The following DDX10 variants were observed in gnomAD, a reference collection of about 807,000 sequenced individuals.
DDX10 encodes DEAD-box helicase 10.
Under a neutral mutation model 104.3 loss-of-function variants are expected in DDX10, and 74 were observed. That is an observed-to-expected ratio of 0.71 (90% confidence interval 0.59 to 0.86). The LOEUF is 0.86. Ranked by LOEUF, DDX10 falls within the 40% of genes least tolerant of loss-of-function variation. DDX10 has a pLI of 0.00. For synonymous variants in DDX10, 351 were observed against 353.4 expected (o/e 0.99, Z 0.08); for missense variants, 952 against 1,040.0 (o/e 0.92, Z 1.16).
chr11:108,927,484 C>T (rs1047106986), intron 17 of DDX10, among the ~76,000 whole-genome samples: 5 of 152,114 alleles, frequency 3.3e-5, no homozygotes, highest in Non-Finnish European at 7.4e-5. Context: ...AACTGTCTGC[C>T]CCAGCATCCT....
At chr11:108,799,815 G>C (rs1422810427) in intron 13 of DDX10, among the ~76,000 whole-genome samples, 1 of 152,148 alleles carries the variant, frequency 6.6e-6, no homozygotes, top group Non-Finnish European at 1.5e-5. Context: ...TCAGCACCAT[G>C]CCTGAAACAG....
intron 13 of DDX10, among the ~76,000 whole-genome samples, chr11:108,772,508 A>G (rs1485287586): frequency 6.6e-6 from 1 of 152,200 alleles, no homozygotes; most frequent in Non-Finnish European, 1.5e-5. Flanking sequence ...GAGGGAAAGA[A>G]TTGGTTCTCC....
intron 13 of DDX10, among the ~76,000 whole-genome samples, chr11:108,790,916 A>G (rs867821200): frequency 2.0e-5 from 3 of 152,210 alleles, no homozygotes; most frequent in Non-Finnish European, 4.4e-5. Context: ...AATGGTTCCC[A>G]TTTATCTACA....
At chr11:108,848,033 A>G (rs1232085873) in intron 15 of DDX10, among the ~76,000 whole-genome samples, 1 of 152,208 alleles carries the variant, frequency 6.6e-6, no homozygotes, top group African/African-American at 2.4e-5. Context: ...GGTAACTCTG[A>G]AGCAGTGAAT....
chr11:108,898,411 T>G (rs1054682141), intron 16 of DDX10, among the ~76,000 whole-genome samples: 2 of 152,036 alleles, frequency 1.3e-5, no homozygotes, highest in African/African-American at 4.8e-5. Context: ...CGAAAAATCA[T>G]GTCCCCTAGA....
At chr11:108,892,763 C>T (rs956286828) in intron 16 of DDX10, among the ~76,000 whole-genome samples, 2 of 152,172 alleles carry the variant, frequency 1.3e-5, no homozygotes, top group Admixed American at 6.5e-5. Context: ...TGGGGATTGA[C>T]GAATCTATAC....
At chr11:108,733,618 C>G (rs961630801) in intron 13 of DDX10, among the ~76,000 whole-genome samples, 3 of 152,124 alleles carry the variant, frequency 2.0e-5, no homozygotes, top group Non-Finnish European at 4.4e-5. Context: ...ACTTAGGCCC[C>G]TCTGACTTGC....
intron 16 of DDX10, among the ~76,000 whole-genome samples, chr11:108,868,595 A>T (rs1016356287): frequency 6.6e-6 from 1 of 152,098 alleles, no homozygotes; most frequent in South Asian, 2.1e-4. Context: ...TGATACTCTA[A>T]TGAGTTTGAT....
At chr11:108,684,141 CTTTTTTT>C (rs56168476) in intron 6 of DDX10, among the ~76,000 whole-genome samples, 1 of 31,304 alleles carries the variant, frequency 3.2e-5, no homozygotes, top group Non-Finnish European at 5.9e-5. Context: ...ATTTCCAGTT[CTTTTTTT>C]TTTTTTTTTT....
At chr11:108,697,709 G>A (rs2094261849) in intron 9 of DDX10, among the ~76,000 whole-genome samples, 1 of 152,100 alleles carries the variant, frequency 6.6e-6, no homozygotes. Flanking sequence ...GCTCTATCCT[G>A]TGATACATTC....
chr11:108,908,758 G>C (rs1863629960), intron 16 of DDX10, among the ~76,000 whole-genome samples: 1 of 152,148 alleles, frequency 6.6e-6, no homozygotes, highest in Non-Finnish European at 1.5e-5. Context: ...GAGTTCTGGG[G>C]GAATGGAAAT....
chr11:108,705,623 C>T (rs562105582), intron 9 of DDX10, among the ~76,000 whole-genome samples: 2 of 152,274 alleles, frequency 1.3e-5, no homozygotes, highest in Non-Finnish European at 2.9e-5. Context: ...ATGTTCTTTA[C>T]AGTTCATGCC....
In DDX10 at chr11:108,796,493, A is replaced by G. The variant is rs528451142; in HGVS notation, c.1966-41953A>G. On this transcript the variant is annotated intron_variant, in intron 13 of 17. Coordinates refer to ENST00000322536, the MANE Select transcript of DDX10 (RefSeq NM_004398.4). ...CATAAGTTGATTTATTCTTATGTCT[A>G]TCACAAATAGAATTCGATAGCTAAA... Among the ~76,000 whole-genome samples the G allele has an allele frequency of 7.9e-5, 12 of 152,348 alleles. No individual in the cohort carries two copies. The South Asian group carries it at 2.3e-3, about 29-fold the overall frequency.
chr11:108,684,055 A>G (rs1364349201), intron 6 of DDX10, among the ~76,000 whole-genome samples: 2 of 141,558 alleles, frequency 1.4e-5, no homozygotes, highest in Non-Finnish European at 3.1e-5. Context: ...GCTTCAAGTT[A>G]TTATCTTGAT....
chr11:108,890,160 A>G (rs1263846615), intron 16 of DDX10, among the ~76,000 whole-genome samples: 6 of 152,190 alleles, frequency 3.9e-5, no homozygotes, highest in Admixed American at 1.3e-4. Flanking sequence ...TGTGTCTCCT[A>G]TAAGGATAAA....
At chr11:108,742,870 T>A (rs2094326970) in intron 13 of DDX10, among the ~76,000 whole-genome samples, 1 of 152,100 alleles carries the variant, frequency 6.6e-6, no homozygotes, top group Non-Finnish European at 1.5e-5. Context: ...AGACCAATAA[T>A]GAGTTCTGAA....
intron 9 of DDX10, among the ~76,000 whole-genome samples, chr11:108,695,269 A>G (rs976984876): frequency 1.3e-5 from 2 of 152,206 alleles, no homozygotes; most frequent in East Asian, 1.9e-4. Flanking sequence ...CAGATGGACT[A>G]TTTATTCAGT....
At chr11:108,866,262 G>C (rs1027855646) in intron 16 of DDX10, among the ~76,000 whole-genome samples, 4 of 152,102 alleles carry the variant, frequency 2.6e-5, no homozygotes, top group African/African-American at 7.2e-5. Flanking sequence ...TATTTTTCAG[G>C]GAAGTATGAA....
At chr11:108,868,624 G>T (rs1244188523) in intron 16 of DDX10, among the ~76,000 whole-genome samples, 1 of 152,060 alleles carries the variant, frequency 6.6e-6, no homozygotes. Context: ...TCTAATGTTA[G>T]TTGAAAGTGG....
Sources: gnomAD v4.1 joint callset for allele counts (sites outside exome capture counted in the v4.1 genomes callset) on GRCh38, gnomAD v4.1.1 for gene constraint, MANE v1.5 for transcripts, NCBI Gene and HGNC (gene_info 2026-07-23, HGNC 2026-07-21) for gene names.